RBM47: variants seen among roughly 807,000 people sequenced by gnomAD.
RBM47 encodes the protein RNA-binding protein 47.
RBM47 carries 21 observed loss-of-function variants against 47.1 expected under a neutral mutation model. The observed-to-expected ratio is 0.45, with a 90% CI of 0.32 to 0.64. The LOEUF is 0.64. Ranked by LOEUF, RBM47 falls within the 30% of genes least tolerant of loss-of-function variation. The pLI is 0.05. For missense variants in RBM47, 708 were observed against 870.9 expected, an observed-to-expected ratio of 0.81 and a Z score of 2.35; for synonymous variants, 375 against 361.7, an observed-to-expected ratio of 1.04 and a Z score of -0.42.
At chr4:40,429,969 C>T (rs574129679) in intron 6 of RBM47, among the ~76,000 whole-genome samples, 26 of 151,868 alleles carry the variant, frequency 1.7e-4, no homozygotes, top group South Asian at 1.7e-3. Flanking sequence ...CTGAGGAGGG[C>T]GGATCATGAA....
chr4:40,475,638 C>G (rs1184763574), intron 2 of RBM47: 1 of 152,178 alleles, frequency 6.6e-6, no homozygotes, highest in African/African-American at 2.4e-5. Flanking sequence ...ATTGCTTTAA[C>G]CAAACACAGT....
intron 1 of RBM47, among the ~76,000 whole-genome samples, chr4:40,589,904 G>A (rs1040317190): frequency 8.5e-5 from 13 of 152,124 alleles, no homozygotes; most frequent in East Asian, 1.9e-4. Flanking sequence ...GACAGGCGGC[G>A]GCTTTCATTT....
intron 5 of RBM47, among the ~76,000 whole-genome samples, chr4:40,434,459 C>T (rs979994460): frequency 6.6e-6 from 1 of 152,094 alleles, no homozygotes; most frequent in African/African-American, 2.4e-5. Flanking sequence ...CAGGACACAA[C>T]TTTACATAGT....
intron 1 of RBM47, among the ~76,000 whole-genome samples, chr4:40,627,892 G>C (rs1056558541): frequency 2.0e-5 from 3 of 152,070 alleles, no homozygotes; most frequent in African/African-American, 4.8e-5. Flanking sequence ...AAAATATAGA[G>C]ATTGGTAAAA....
chr4:40,479,164 T>A (rs1019780532), intron 2 of RBM47, among the ~76,000 whole-genome samples: 4 of 152,230 alleles, frequency 2.6e-5, no homozygotes, highest in Non-Finnish European at 5.9e-5. Flanking sequence ...CACCATAGTA[T>A]TTTCTTTCGG....
At chr4:40,509,060 T>C (rs549333936) in intron 2 of RBM47, among the ~76,000 whole-genome samples, 154 of 152,112 alleles carry the variant, frequency 1.0e-3, no homozygotes, top group African/African-American at 3.3e-3. Flanking sequence ...CTTGGGAGGC[T>C]GAAGCAGGAG....
chr4:40,582,142 T>C (rs1239878699), intron 1 of RBM47, among the ~76,000 whole-genome samples: 2 of 152,206 alleles, frequency 1.3e-5, no homozygotes, highest in Admixed American at 6.5e-5. Context: ...CCCTGCAGCC[T>C]ATGTCTTAGT....
intron 3 of RBM47, among the ~76,000 whole-genome samples, chr4:40,459,704 T>C (rs1716820391): frequency 6.6e-6 from 1 of 152,220 alleles, no homozygotes; most frequent in South Asian, 2.1e-4. Flanking sequence ...AGAGAATGAA[T>C]AGGCCAGCTT....
chr4:40,599,738 A>AG (rs1307629130), intron 1 of RBM47, among the ~76,000 whole-genome samples: 18 of 129,292 alleles, frequency 1.4e-4, no homozygotes, highest in African/African-American at 6.1e-4. Context: ...GAAATGAATT[A>AG]GAAAAAAAAA....
intron 2 of RBM47, among the ~76,000 whole-genome samples, chr4:40,508,197 C>T (rs2154252407): frequency 6.6e-6 from 1 of 152,362 alleles, no homozygotes; most frequent in South Asian, 2.1e-4. Flanking sequence ...ACAATTTTCA[C>T]GTTTTGTTCA....
chr4:40,498,670 C>CAA (rs910303039), intron 2 of RBM47, among the ~76,000 whole-genome samples: 119 of 61,766 alleles, frequency 1.9e-3, no homozygotes, highest in Non-Finnish European at 2.4e-3. Context: ...GACTCCATCT[C>CAA]AAAAAAAAAA....
intron 3 of RBM47, among the ~76,000 whole-genome samples, chr4:40,463,375 G>A (rs983371489): frequency 6.6e-6 from 1 of 152,142 alleles, no homozygotes. Context: ...AAAACCACAA[G>A]TGTTGGTGAG....
intron 1 of RBM47, among the ~76,000 whole-genome samples, chr4:40,555,810 T>C (rs1341910915): frequency 6.6e-6 from 1 of 152,160 alleles, no homozygotes; most frequent in Non-Finnish European, 1.5e-5. Flanking sequence ...TTCGGAAAGA[T>C]GAACAGCCAA....
chr4:40,510,250 T>C (rs1326182861), intron 2 of RBM47, among the ~76,000 whole-genome samples: 1 of 143,342 alleles, frequency 7.0e-6, no homozygotes, highest in Non-Finnish European at 1.5e-5. Context: ...GATGGGGCAA[T>C]AGCTTCGGGG....
intron 2 of RBM47, among the ~76,000 whole-genome samples, chr4:40,525,830 C>A (rs1726651632): frequency 6.7e-6 from 1 of 148,404 alleles, no homozygotes; most frequent in Admixed American, 6.7e-5. Context: ...AGTAAGAGTT[C>A]TTAAGAAAAA....
In RBM47 at chr4:40,438,078, G is replaced by A. The variant is rs1449524035; in HGVS notation, c.816C>T (p.Gly272=). 6.2e-7 allele frequency: 1 copy of A among 1,613,942 alleles called. No homozygotes were observed. Among genetic ancestry groups the A allele is most frequent in the South Asian group, 1.1e-5 (1 of 91,088 alleles). Residue 272 remains glycine, a synonymous_variant, in exon 4 of 7, where the codon GGC becomes GGT. Transcript: ENST00000295971. ...GGATCTTCTTGACGCGCTCCACGCAGCCGGGGTTGAACTGGCCGAAGCTCT... is the reference window on the plus strand; with the variant it reads ...GGATCTTCTTGACGCGCTCCACGCAACCGGGGTTGAACTGGCCGAAGCTCT... ...IKKSFGQFNP[G]CVERVKKIRD... is the part of the protein sequence containing the mutation.
intron 1 of RBM47, among the ~76,000 whole-genome samples, chr4:40,621,375 A>G (rs1190307205): frequency 1.3e-5 from 2 of 152,220 alleles, no homozygotes; most frequent in African/African-American, 4.8e-5. Flanking sequence ...GCAAACAAAC[A>G]TGACAGATCA....
chr4:40,458,749 T>A (rs1294396355), intron 3 of RBM47, among the ~76,000 whole-genome samples: 1 of 151,340 alleles, frequency 6.6e-6, no homozygotes, highest in South Asian at 2.1e-4. Context: ...GCTCTGGTGA[T>A]AATTGTTTTT....
chr4:40,442,459 A>T (rs553962417), intron 3 of RBM47, among the ~76,000 whole-genome samples: 1 of 152,292 alleles, frequency 6.6e-6, no homozygotes, highest in South Asian at 2.1e-4. Flanking sequence ...AAAAAACAGT[A>T]TGGTGGTTCC....
Sources: gnomAD v4.1 joint callset for allele counts (sites outside exome capture counted in the v4.1 genomes callset) on GRCh38, gnomAD v4.1.1 for gene constraint, MANE v1.5 for transcripts, NCBI Gene and HGNC (gene_info 2026-07-23, HGNC 2026-07-21) for gene names.